PHOX2A: variants seen among roughly 807,000 people sequenced by gnomAD.
The protein encoded by PHOX2A is paired like homeobox 2A.
In PHOX2A, 10 loss-of-function variants were observed where a neutral mutation model predicts 16.4. The ratio of observed to expected loss-of-function variants is 0.61; its 90% CI spans 0.38 to 1.04. The LOEUF is 1.04. Among genes scored for constraint, PHOX2A ranks in the 50% least tolerant of loss-of-function variants. The pLI is 0.01. For synonymous variants in PHOX2A, 219 were observed against 203.8 expected (o/e 1.07, Z -0.64); for missense variants, 361 against 419.4 (o/e 0.86, Z 1.22).
chr11:72,242,593 T>C (rs1949130694), intron 1 of PHOX2A, among the ~76,000 whole-genome samples: 1 of 151,598 alleles, frequency 6.6e-6, no homozygotes, highest in African/African-American at 2.4e-5. Flanking sequence ...TTTCTCCAAA[T>C]CCAGGTTCTC....
In PHOX2A at chr11:72,239,661, G is replaced by C. The variant is rs1369079185; in HGVS notation, c.*88C>G. 1 of 1,042,696 alleles carries C rather than the reference G, an allele frequency of 9.6e-7. No homozygotes were observed. The highest frequency in any genetic ancestry group is 4.1e-5 in the Admixed American group (1 of 24,628). The allele number at this position is 1,042,696 out of a possible 1,614,324, so 64.6% of individuals were successfully genotyped here. On this transcript the variant is annotated 3_prime_UTR_variant, in exon 3 of 3. Coordinates refer to ENST00000298231, the MANE Select transcript of PHOX2A (RefSeq NM_005169.4). ...AGTGGAGACGGATGGGGACTTCCAG[G>C]CGGGTGGCCAGGATGGGAGGGGCTG...
Position 72,241,222 on chromosome 11 carries a change from G to C in PHOX2A, c.285C>G (p.Thr95=). ...CCTTGAGCTGCGCGCTGGTGAACGT[G>C]GTGCGGATGCGCCGCTGCTTGCGCT... The part of the protein sequence containing the change: ...HEKRKQRRIR[T]TFTSAQLKEL... The change falls in exon 2 of 3, where the codon ACC becomes ACG. Residue 95 remains threonine (T), a synonymous_variant. Coordinates refer to ENST00000298231, the MANE Select transcript of PHOX2A (RefSeq NM_005169.4). 6.2e-7 allele frequency: 1 copy of C among 1,613,574 alleles called. No homozygotes were observed.
Position 72,239,938 on chromosome 11 carries a change from C to G in PHOX2A, c.666G>C (p.Pro222=), listed in dbSNP as rs2135454373. 1 of 1,296,908 alleles carries G rather than the reference C, an allele frequency of 7.7e-7. No homozygotes were observed. The highest frequency in any genetic ancestry group is 1.5e-5 in the African/African-American group (1 of 64,620). 80.3% of individuals were successfully genotyped at this position (1,296,908 alleles called of 1,614,324 possible). The stretch of plus-strand genomic sequence containing the variant: ...GTGCGCCCTTGAGCGGCTGTGGCCC[C>G]GGCCCAGGTCCCGGCCCGGAGCCCA... ...VALGSGPGPG[P]GPQPLKGALW... The change falls in exon 3 of 3, where the codon CCG becomes CCC. Residue 222 remains proline (P), a synonymous_variant. Coordinates refer to ENST00000298231, the MANE Select transcript of PHOX2A (RefSeq NM_005169.4).
At chr11:72,240,533 C>T (rs907159498) in intron 2 of PHOX2A, among the ~76,000 whole-genome samples, 28 of 152,344 alleles carry the variant, frequency 1.8e-4, no homozygotes, top group African/African-American at 5.8e-4. Flanking sequence ...TCTGGGACTT[C>T]CCTCCTGGAG....
intron 1 of PHOX2A, 72 bp downstream of exon 1, chr11:72,243,716 G>C (rs1321883895): frequency 1.0e-5 from 9 of 887,312 alleles, no homozygotes; most frequent in Non-Finnish European, 1.3e-5. Context: ...GGGGACAGTC[G>C]CATTCACTTG....
rs1949101299 is a variant in PHOX2A, at chr11:72,240,005, A to G, written c.599T>C (p.Leu200Pro). ...GCTGGGGCTCAGGCGCGGGCTGGCC[A>G]GGCCGGGCGCAGGCGGCGGCGGCAG... is the stretch of plus-strand genomic sequence containing the variant. ...ASLPPPPAPG[L>P]ASPRLSPSPL... Residue 200 changes from leucine to proline, a missense_variant, in exon 3 of 3, where the codon CTG becomes CCG. Around this residue, in one of 3 missense-constraint regions of PHOX2A, gnomAD observed 55 missense variants for 101.6 expected, o/e 0.54. Transcript: ENST00000298231. 2.1e-6 allele frequency: 3 copies of G among 1,413,808 alleles called. No individual in the cohort carries two copies. The highest frequency in any genetic ancestry group is 2.8e-6 in the Non-Finnish European group (3 of 1,087,272). The allele number at this position is 1,413,808 out of a possible 1,614,324, so 87.6% of individuals were successfully genotyped here.
rs1949100755 is a variant in PHOX2A, at chr11:72,239,964, G to C, written c.640C>G (p.Leu214Val). ...RLSPSPLPVALGSGPGPGPGP... is the reference protein window; with the variant it reads ...RLSPSPLPVAVGSGPGPGPGP... ...GGCCCAGGTCCCGGCCCGGAGCCCA[G>C]TGCGACGGGCAGCGGGCTGGGGCTC... The change falls in exon 3 of 3, where the codon CTG becomes GTG. Residue 214 changes from leucine (L) to valine (V), a missense_variant. Coordinates refer to ENST00000298231, the MANE Select transcript of PHOX2A (RefSeq NM_005169.4). 6 of 1,312,142 alleles carry C rather than the reference G, an allele frequency of 4.6e-6. No individual in the cohort carries two copies. The highest frequency in any genetic ancestry group is 5.8e-6 in the Non-Finnish European group (6 of 1,031,846). The allele number at this position is 1,312,142 out of a possible 1,614,324, so 81.3% of individuals were successfully genotyped here. A position where few individuals can be genotyped will look rare whatever the true frequency, so the allele number is the denominator to read the frequency against.
Position 72,240,129 on chromosome 11 carries a change from CCGCCGCGCCCTTGGCGCTGGCCGCGCG to C in PHOX2A, c.448_474del (p.Arg150_Ala158del), listed in dbSNP as rs1565402420. 3.9e-6 allele frequency: 6 copies of C among 1,533,192 alleles called. No homozygotes were observed. In the Admixed American group the frequency reaches 9.9e-5, roughly 25 times the overall value. The allele number at this position is 1,533,192 out of a possible 1,614,324, so 95.0% of individuals were successfully genotyped here. A position where few individuals can be genotyped will look rare whatever the true frequency, so the allele number is the denominator to read the frequency against. ...TCGCCCTTTTTGGCGCCCGCCGCGC[CCGCCGCGCCCTTGGCGCTGGCCGCGCG>C]CTCCTGTTTGCGGAACTTGGCCCGG... On this transcript the variant is annotated inframe_deletion, in exon 3 of 3. Transcript: ENST00000298231.
At chr11:72,241,049 C>T in intron 2 of PHOX2A, 53 bp downstream of exon 2, 1 of 1,565,676 alleles carries the variant, frequency 6.4e-7, no homozygotes, top group Non-Finnish European at 8.8e-7. Flanking sequence ...AGACATTAAG[C>T]TCCCACACCT....
intron 2 of PHOX2A, among the ~76,000 whole-genome samples, chr11:72,240,668 C>T (rs1949109909): frequency 6.6e-6 from 1 of 152,226 alleles, no homozygotes; most frequent in Non-Finnish European, 1.5e-5. Context: ...TCTGCTCTAG[C>T]CCGGCTCTCT....
At chr11:72,243,735 G>T in intron 1 of PHOX2A, 53 bp downstream of exon 1, 2 of 1,080,332 alleles carry the variant, frequency 1.9e-6, no homozygotes, top group Non-Finnish European at 2.4e-6. Flanking sequence ...TGGCGAGCGG[G>T]CCCAGGGATT....
chr11:72,240,365 C>T (rs1467998202), intron 2 of PHOX2A, among the ~76,000 whole-genome samples, 167 bp from the exon 3 acceptor site: 3 of 152,258 alleles, frequency 2.0e-5, no homozygotes, highest in Non-Finnish European at 4.4e-5. Flanking sequence ...GCACTCCGCG[C>T]TCCACTGGCC....
intron 1 of PHOX2A, among the ~76,000 whole-genome samples, chr11:72,243,484 C>T (rs905042378): frequency 2.5e-4 from 38 of 152,196 alleles, no homozygotes; most frequent in Middle Eastern, 3.4e-3. Context: ...GTTTAGTGGT[C>T]AGTCTTTGCA....
In PHOX2A at chr11:72,243,801, C is replaced by T. The variant is rs1949140438; in HGVS notation, c.204G>A (p.Ala68=). 8.0e-7 allele frequency: 1 copy of T among 1,248,876 alleles called. No individual in the cohort carries two copies. The highest frequency in any genetic ancestry group is 1.0e-6 in the Non-Finnish European group (1 of 995,614). The allele number at this position is 1,248,876 out of a possible 1,614,324, so 77.4% of individuals were successfully genotyped here. A position where few individuals can be genotyped will look rare whatever the true frequency, so the allele number is the denominator to read the frequency against. Residue 68 remains alanine, a synonymous_variant, in exon 1 of 3, where the codon GCG becomes GCA. Transcript: ENST00000298231. The part of the protein sequence containing the change: ...ALGALRDHQP[A]PYSAVPYKFF... Reference sequence around the variant, plus strand: ...GGCTGCGCTCACCTGCCGAGTAGGGCGCGGGCTGGTGGTCGCGTAGGGCGC... The same window carrying T: ...GGCTGCGCTCACCTGCCGAGTAGGGTGCGGGCTGGTGGTCGCGTAGGGCGC...
rs1269526886 is a variant in PHOX2A, at chr11:72,239,809, G to A, written c.795C>T (p.Ser265=). Residue 265 remains serine, a synonymous_variant, in exon 3 of 3, where the codon TCC becomes TCT. Coordinates refer to ENST00000298231, the MANE Select transcript of PHOX2A (RefSeq NM_005169.4). ...QPAESGPGPF[S]GVLSSFHRKP... ...TCCGGTGAAAGGAGGACAGAACCCC[G>A]GAGAAGGGCCCGGGGCCGGACTCCG... is the stretch of plus-strand genomic sequence containing the variant. 1 of 1,357,964 alleles carries A rather than the reference G, an allele frequency of 7.4e-7. No homozygotes were observed. Among genetic ancestry groups the A allele is most frequent in the Non-Finnish European group, 9.6e-7 (1 of 1,045,784 alleles). The allele number at this position is 1,357,964 out of a possible 1,614,324, so 84.1% of individuals were successfully genotyped here.
At position 72,241,111 on chromosome 11, in the gene PHOX2A, A is replaced by C; in HGVS notation, c.396T>G (p.Ala132=). 1 of 1,613,896 alleles carries C rather than the reference A, an allele frequency of 6.2e-7. No individual in the cohort carries two copies. The highest frequency in any genetic ancestry group is 8.5e-7 in the Non-Finnish European group (1 of 1,180,020). ...ELALKIDLTE[A]RVQVWFQNRR... is the part of the protein sequence containing the mutation. ...ACGTGCATACACGCACCTGCACGCG[A>C]GCCTCAGTGAGGTCGATCTTGAGCG... Residue 132 remains alanine (A), a synonymous_variant, in exon 2 of 3, where the codon GCT becomes GCG. Transcript: ENST00000298231.
chr11:72,241,790 G>A (rs963354064), intron 1 of PHOX2A, among the ~76,000 whole-genome samples: 4 of 151,306 alleles, frequency 2.6e-5, no homozygotes, highest in African/African-American at 7.3e-5. Context: ...CCCTCCCACC[G>A]GCCCTCCTTT....
chr11:72,244,024 G>C lies in PHOX2A; in HGVS notation c.-20C>G. 1 of 1,209,288 alleles carries C rather than the reference G, an allele frequency of 8.3e-7. No homozygotes were observed. The highest frequency in any genetic ancestry group is 1.1e-6 in the Non-Finnish European group (1 of 951,104). The allele number at this position is 1,209,288 out of a possible 1,614,324, so 74.9% of individuals were successfully genotyped here. A position where few individuals can be genotyped will look rare whatever the true frequency, so the allele number is the denominator to read the frequency against. On this transcript the variant is annotated 5_prime_UTR_variant, in exon 1 of 3. Transcript: ENST00000298231. ...GTCCATCGGCCCGGGGGGCGGGGGC[G>C]GGGGCCGGGCCAGGCCGGGTCGGGG...
At chr11:72,240,627 C>T (rs1385946022) in intron 2 of PHOX2A, among the ~76,000 whole-genome samples, 2 of 152,228 alleles carry the variant, frequency 1.3e-5, no homozygotes, top group Admixed American at 6.5e-5. Flanking sequence ...AACTGAACAT[C>T]TGTACACGGA....
Sources: gnomAD v4.1 joint callset for allele counts (sites outside exome capture counted in the v4.1 genomes callset) on GRCh38, gnomAD v4.1.1 for gene constraint, gnomAD v4.1.1 regional missense constraint, MANE v1.5 for transcripts, NCBI Gene and HGNC (gene_info 2026-07-23, HGNC 2026-07-21) for gene names.